PARD3: variants seen among roughly 807,000 people sequenced by gnomAD.
The protein encoded by PARD3 is par-3 family cell polarity regulator, also known as partitioning defective 3 homolog.
In PARD3, 75 loss-of-function variants were observed where a neutral mutation model predicts 155.4. The ratio of observed to expected loss-of-function variants is 0.48; its 90% CI spans 0.40 to 0.58. The LOEUF is 0.58. PARD3 is among the 20% of genes least tolerant of loss of function. PARD3 has a pLI of 0.00. For synonymous variants in PARD3, 576 were observed against 610.5 expected (o/e 0.94, Z 0.83); for missense variants, 1,642 against 1,721.7 (o/e 0.95, Z 0.82).
intron 22 of PARD3, among the ~76,000 whole-genome samples, chr10:34,212,912 C>T (rs919042468): frequency 8.5e-5 from 13 of 152,202 alleles, no homozygotes; most frequent in Admixed American, 5.9e-4. Flanking sequence ...ACATTCTTCT[C>T]GAAGCCCCTT....
chr10:34,719,739 G>A (rs974626813), intron 1 of PARD3, among the ~76,000 whole-genome samples: 1 of 152,202 alleles, frequency 6.6e-6, no homozygotes, highest in Non-Finnish European at 1.5e-5. Context: ...ATGAATTTAT[G>A]AACTTTAAGT....
chr10:34,399,879 A>G (rs2132179750), intron 6 of PARD3, among the ~76,000 whole-genome samples: 1 of 152,360 alleles, frequency 6.6e-6, no homozygotes, highest in East Asian at 1.9e-4. Flanking sequence ...TTGCAGCTAC[A>G]GAACACTTTC....
At chr10:34,416,753 CAAATAAAAT>C (rs1845716296) in intron 5 of PARD3, among the ~76,000 whole-genome samples, 1 of 152,100 alleles carries the variant, frequency 6.6e-6, no homozygotes, top group Non-Finnish European at 1.5e-5. Context: ...GAGGTGGCTG[CAAATAAAAT>C]AATGTATGAA....
At chr10:34,539,968 A>T (rs2083486993) in intron 2 of PARD3, among the ~76,000 whole-genome samples, 1 of 152,200 alleles carries the variant, frequency 6.6e-6, no homozygotes, top group South Asian at 2.1e-4. Flanking sequence ...ACCATACGCG[A>T]CTACCTTCCA....
At chr10:34,270,358 G>C (rs1055158403) in intron 21 of PARD3, among the ~76,000 whole-genome samples, 1 of 152,020 alleles carries the variant, frequency 6.6e-6, no homozygotes, top group Non-Finnish European at 1.5e-5. Flanking sequence ...GGCCAGACTG[G>C]TCTCAGACTC....
chr10:34,158,627 T>G (rs1235423537), intron 22 of PARD3, among the ~76,000 whole-genome samples: 1 of 151,894 alleles, frequency 6.6e-6, no homozygotes, highest in Non-Finnish European at 1.5e-5. Context: ...TGAGAAAGAG[T>G]GTGTATATGG....
rs554959827 is a variant in PARD3, at chr10:34,579,554, CTGTGTGTGTGTGTG to C, written c.223-62409_223-62396del. Among the ~76,000 whole-genome samples, 167 of 122,572 alleles carry C rather than the reference CTGTGTGTGTGTGTG, an allele frequency of 1.4e-3. 1 individual carries two copies. The highest frequency in any genetic ancestry group is 3.7e-3 in the African/African-American group (133 of 35,728). The allele number at this position is 122,572 out of a possible 152,430, so 80.4% of individuals were successfully genotyped here. A position where few individuals can be genotyped will look rare whatever the true frequency, so the allele number is the denominator to read the frequency against. On this transcript the variant is annotated intron_variant, in intron 2 of 24. Coordinates refer to ENST00000374788, the MANE Select transcript of PARD3 (RefSeq NM_001184785.2). ...AAATAAATAAAAGCTACCATTTTCT[CTGTGTGTGTGTGTG>C]TGTGTGTGTGTGTGTGTGTGTGTGT...
chr10:34,487,770 C>A, intron 3 of PARD3, among the ~76,000 whole-genome samples: 1 of 152,134 alleles, frequency 6.6e-6, no homozygotes, highest in South Asian at 2.1e-4. Flanking sequence ...TATATCTGCA[C>A]CAAATTCCTC....
chr10:34,175,786 G>A (rs1472955480), intron 22 of PARD3, among the ~76,000 whole-genome samples: 3 of 152,286 alleles, frequency 2.0e-5, no homozygotes, highest in South Asian at 4.2e-4. Context: ...TGGGATGACT[G>A]AGAATTTTAA....
intron 5 of PARD3, among the ~76,000 whole-genome samples, chr10:34,445,882 G>A (rs1001040758): frequency 6.6e-6 from 1 of 151,632 alleles, no homozygotes; most frequent in Non-Finnish European, 1.5e-5. Flanking sequence ...AGATCTGACT[G>A]TGTGAAGTGA....
chr10:34,698,888 T>A (rs537556897), intron 1 of PARD3, among the ~76,000 whole-genome samples: 16 of 152,340 alleles, frequency 1.1e-4, no homozygotes, highest in South Asian at 4.1e-4. Context: ...AAATTTTTTT[T>A]AAAAATTGTC....
intron 2 of PARD3, among the ~76,000 whole-genome samples, chr10:34,626,385 TTCTC>T (rs141461060): frequency 4.6e-5 from 7 of 152,138 alleles, no homozygotes; most frequent in Non-Finnish European, 7.4e-5. Context: ...TCTTATCTGT[TTCTC>T]TCTCTCTCTT....
At chr10:34,616,135 A>G (rs947452617) in intron 2 of PARD3, among the ~76,000 whole-genome samples, 3 of 152,156 alleles carry the variant, frequency 2.0e-5, no homozygotes, top group East Asian at 3.9e-4. Context: ...CCTGGCCAAC[A>G]TGGTAAACCT....
chr10:34,510,568 C>A (rs1246858686), intron 3 of PARD3, among the ~76,000 whole-genome samples: 1 of 152,124 alleles, frequency 6.6e-6, no homozygotes, highest in Non-Finnish European at 1.5e-5. Flanking sequence ...TAAAAATATT[C>A]AAGCCTAAAA....
At chr10:34,639,469 G>T (rs564738145) in intron 2 of PARD3, among the ~76,000 whole-genome samples, 2 of 152,284 alleles carry the variant, frequency 1.3e-5, no homozygotes, top group South Asian at 4.1e-4. Flanking sequence ...CATGCCCTAG[G>T]GCACATCCCC....
chr10:34,441,935 A>G (rs535998515), intron 5 of PARD3, among the ~76,000 whole-genome samples: 1 of 152,352 alleles, frequency 6.6e-6, no homozygotes, highest in South Asian at 2.1e-4. Context: ...TATTGGGGAC[A>G]TAACAGATTT....
rs1280935728 is a variant in PARD3, at chr10:34,110,149, C to T, written c.*1020G>A. On this transcript the variant is annotated 3_prime_UTR_variant, in exon 25 of 25. Coordinates refer to ENST00000374788, the MANE Select transcript of PARD3 (RefSeq NM_001184785.2). ...AGAACTACTTAGGAGCGCGGCATCG[C>T]CAGTCAGACATGCAGTGTGTGGATG... 2 of 152,196 alleles carry T rather than the reference C, an allele frequency of 1.3e-5. No individual in the cohort carries two copies. Among genetic ancestry groups the T allele is most frequent in the African/African-American group, 4.8e-5 (2 of 41,440 alleles). 9.4% of individuals were successfully genotyped at this position (152,196 alleles called of 1,614,324 possible). A position where few individuals can be genotyped will look rare whatever the true frequency, so the allele number is the denominator to read the frequency against.
chr10:34,790,788 T>C (rs779460954), intron 1 of PARD3, among the ~76,000 whole-genome samples: 23 of 152,204 alleles, frequency 1.5e-4, no homozygotes, highest in Admixed American at 6.5e-5. Context: ...CTGCATTTCT[T>C]TAATCTGTGA....
At chr10:34,329,528 C>G (rs538286265) in intron 19 of PARD3, among the ~76,000 whole-genome samples, 1 of 152,174 alleles carries the variant, frequency 6.6e-6, no homozygotes, top group Admixed American at 6.5e-5. Flanking sequence ...ATCTTGGAGA[C>G]CAGGTTTGGC....
Sources: allele counts gnomAD v4.1 joint callset (sites outside exome capture counted in the v4.1 genomes callset), GRCh38; gene constraint gnomAD v4.1.1; transcripts MANE v1.5; gene names NCBI Gene and HGNC (gene_info 2026-07-23, HGNC 2026-07-21).